The following HAUS6 variants were observed in gnomAD, a reference collection of about 807,000 sequenced individuals.
HAUS6 encodes the protein HAUS augmin like complex subunit 6.
A neutral mutation model predicts 106.8 loss-of-function variants in HAUS6; 80 were observed. That is an observed-to-expected ratio of 0.75 (90% confidence interval 0.63 to 0.90). The LOEUF (loss-of-function observed/expected upper bound fraction) is 0.90, where lower values mean the gene tolerates loss of function less well. HAUS6 is among the 40% of genes least tolerant of loss of function. The probability of loss-of-function intolerance (pLI) is 0.00; values close to 1 mark genes in which losing one functional copy is unlikely to be tolerated. For synonymous variants in HAUS6, 356 were observed against 379.1 expected, an observed-to-expected ratio of 0.94 and a Z score of 0.71; for missense variants, 1,155 against 1,118.1, an observed-to-expected ratio of 1.03 and a Z score of -0.47.
At chr9:19,097,119 A>C (rs142688852) in intron 1 of HAUS6, among the ~76,000 whole-genome samples, 69 of 152,334 alleles carry the variant, frequency 4.5e-4, no homozygotes, top group African/African-American at 1.5e-3. Flanking sequence ...TATTAAGAGT[A>C]CATGTTAGAC....
intron 9 of HAUS6, 74 bp downstream of exon 9, chr9:19,080,405 T>A (rs1837114647): frequency 2.2e-6 from 2 of 904,814 alleles, no homozygotes; most frequent in Admixed American, 2.0e-5. Flanking sequence ...GAAGAGCTAT[T>A]AAACTTATAC....
At chr9:19,087,009 T>C in intron 6 of HAUS6, 82 bp downstream of exon 6, 1 of 741,068 alleles carries the variant, frequency 1.3e-6, no homozygotes, top group Non-Finnish European at 2.4e-6. Context: ...AATTAATGTT[T>C]GTGGGAGTCT....
intron 2 of HAUS6, among the ~76,000 whole-genome samples, chr9:19,095,647 T>C (rs982088930): frequency 1.3e-5 from 2 of 151,956 alleles, no homozygotes; most frequent in African/African-American, 4.8e-5. Flanking sequence ...ATATTGAAAA[T>C]AGATTATCAA....
At chr9:19,090,823 G>A (rs1221546865) in intron 4 of HAUS6, among the ~76,000 whole-genome samples, 1 of 152,142 alleles carries the variant, frequency 6.6e-6, no homozygotes, top group Admixed American at 6.6e-5. Context: ...TCGTCACTGT[G>A]TTACTAAAAA....
chr9:19,063,857 G>T (rs1309075644), intron 12 of HAUS6: 1 of 596,372 alleles, frequency 1.7e-6, no homozygotes, highest in African/African-American at 1.8e-5. Context: ...GTGACTTAAT[G>T]AATACTCCAC....
intron 1 of HAUS6, among the ~76,000 whole-genome samples, chr9:19,101,167 T>A (rs973165147): frequency 6.6e-6 from 1 of 152,212 alleles, no homozygotes; most frequent in African/African-American, 2.4e-5. Flanking sequence ...TCCTTATACA[T>A]TGTATAAGTG....
At chr9:19,099,431 G>C (rs905824525) in intron 1 of HAUS6, among the ~76,000 whole-genome samples, 9 of 151,980 alleles carry the variant, frequency 5.9e-5, no homozygotes, top group African/African-American at 2.2e-4. Flanking sequence ...CTCCCAAAGT[G>C]CTGGAATTAC....
intron 5 of HAUS6, among the ~76,000 whole-genome samples, 177 bp downstream of exon 5, chr9:19,089,235 A>C (rs1328300786): frequency 6.6e-6 from 1 of 151,972 alleles, no homozygotes; most frequent in African/African-American, 2.4e-5. Context: ...TGGGTGACAG[A>C]ACCAGACCCT....
chr9:19,086,600 A>G, intron 7 of HAUS6, 134 bp downstream of exon 7: 2 of 493,656 alleles, frequency 4.1e-6, no homozygotes, highest in South Asian at 2.4e-5. Context: ...AGCCTGGGCA[A>G]CAGAGCGAGA....
At position 19,057,948 on chromosome 9, in the gene HAUS6, A is replaced by G. The variant is rs898690924; in HGVS notation, c.2806+13T>C. On this transcript the variant is annotated intron_variant, in intron 16 of 16. Transcript: ENST00000380502. ...TCAACAGGTGAATATGCATAGGTCTATTTAAACCTTACCCTTTAAATTAGG... is the reference window on the plus strand; with the variant it reads ...TCAACAGGTGAATATGCATAGGTCTGTTTAAACCTTACCCTTTAAATTAGG... The G allele has an allele frequency of 3.3e-6, 5 of 1,537,278 alleles. No homozygotes were observed. The highest frequency in any genetic ancestry group is 1.8e-5 in the Admixed American group (1 of 56,062).
At chr9:19,076,073 C>G (rs569565551) in intron 11 of HAUS6, among the ~76,000 whole-genome samples, 2 of 149,418 alleles carry the variant, frequency 1.3e-5, no homozygotes, top group East Asian at 4.1e-4. Flanking sequence ...TGAAAATATT[C>G]TGGGGGCTGG....
At chr9:19,090,822 T>C (rs554931622) in intron 4 of HAUS6, among the ~76,000 whole-genome samples, 2 of 152,340 alleles carry the variant, frequency 1.3e-5, no homozygotes, top group South Asian at 2.1e-4. Flanking sequence ...TTCGTCACTG[T>C]GTTACTAAAA....
intron 4 of HAUS6, among the ~76,000 whole-genome samples, chr9:19,092,184 C>T (rs1006441194): frequency 4.6e-5 from 7 of 151,502 alleles, no homozygotes; most frequent in African/African-American, 1.5e-4. Context: ...TCGCCGGGCA[C>T]GGTGGCTTAT....
intron 7 of HAUS6, among the ~76,000 whole-genome samples, chr9:19,083,410 A>C (rs1166983373): frequency 6.6e-6 from 1 of 152,112 alleles, no homozygotes; most frequent in Admixed American, 6.6e-5. Context: ...ACCCAGCTCC[A>C]AATCTAAGAA....
intron 9 of HAUS6, 91 bp downstream of exon 9, chr9:19,080,388 C>G: frequency 1.3e-6 from 1 of 767,592 alleles, no homozygotes; most frequent in Non-Finnish European, 2.3e-6. Context: ...ACTTGTTTGC[C>G]AAAGCTGAAG....
intron 5 of HAUS6, among the ~76,000 whole-genome samples, chr9:19,087,825 C>T (rs1369333422): frequency 9.0e-6 from 1 of 111,694 alleles, no homozygotes; most frequent in Non-Finnish European, 1.7e-5. Context: ...TCTAGCTAAG[C>T]AACAGAGCAA....
chr9:19,054,721 A>C lies in HAUS6; in HGVS notation c.*1622T>G, dbSNP rs1195989608. On this transcript the variant is annotated 3_prime_UTR_variant, in exon 17 of 17. Transcript: ENST00000380502. ...CTTCTTAAAAGTACCACAGGGTTAA[A>C]TGTGAATCTCTATTTCCTAGCAGCA... 1.3e-5 allele frequency: 2 copies of C among 152,204 alleles called. No individual in the cohort carries two copies. Among genetic ancestry groups the C allele is most frequent in the Admixed American group, 1.3e-4 (2 of 15,270 alleles). 9.4% of individuals were successfully genotyped at this position (152,204 alleles called of 1,614,324 possible).
intron 2 of HAUS6, among the ~76,000 whole-genome samples, chr9:19,095,752 C>G (rs1230022018): frequency 6.6e-6 from 1 of 152,002 alleles, no homozygotes; most frequent in Non-Finnish European, 1.5e-5. Flanking sequence ...AATTTGAACA[C>G]TTTTTTAGAT....
intron 10 of HAUS6, among the ~76,000 whole-genome samples, chr9:19,077,482 C>G (rs1039415508): frequency 3.3e-5 from 5 of 152,166 alleles, no homozygotes; most frequent in Non-Finnish European, 5.9e-5. Flanking sequence ...CTGCAGTGAG[C>G]TGAGATCGTG....
Sources: allele counts gnomAD v4.1 joint callset (sites outside exome capture counted in the v4.1 genomes callset), GRCh38; gene constraint gnomAD v4.1.1; transcripts MANE v1.5; gene names NCBI Gene and HGNC (gene_info 2026-07-23, HGNC 2026-07-21).